Variants in DIAPH3 observed in about 807,000 individuals in gnomAD.
DIAPH3 encodes protein diaphanous homolog 3.
In DIAPH3, 117 loss-of-function variants were observed where a neutral mutation model predicts 144.3. The ratio of observed to expected loss-of-function variants is 0.81; its 90% CI spans 0.70 to 0.95. DIAPH3 has a LOEUF of 0.95. DIAPH3 is among the 40% of genes least tolerant of loss of function. The probability of loss-of-function intolerance (pLI) is 0.00; values close to 1 mark genes in which losing one functional copy is unlikely to be tolerated. For synonymous variants in DIAPH3, 519 were observed against 488.9 expected, an observed-to-expected ratio of 1.06 and a Z score of -0.81; for missense variants, 1,421 against 1,412.7, an observed-to-expected ratio of 1.01 and a Z score of -0.09.
chr13:59,972,730 C>T (rs2050458811), intron 15 of DIAPH3, among the ~76,000 whole-genome samples: 2 of 152,152 alleles, frequency 1.3e-5, no homozygotes, highest in South Asian at 4.1e-4. Context: ...TGAATTTCTG[C>T]TCTAGAATAG....
chr13:59,751,549 T>C (rs1387689307), intron 27 of DIAPH3, among the ~76,000 whole-genome samples: 1 of 152,250 alleles, frequency 6.6e-6, no homozygotes, highest in African/African-American at 2.4e-5. Context: ...AATCAACTGC[T>C]ATGACATAAA....
At chr13:60,111,531 C>A (rs899365359) in intron 3 of DIAPH3, among the ~76,000 whole-genome samples, 3 of 152,170 alleles carry the variant, frequency 2.0e-5, no homozygotes, top group African/African-American at 7.2e-5. Flanking sequence ...CGCCTCTTGT[C>A]AGATCAGCAG....
At chr13:59,854,110 C>T (rs1057382915) in intron 22 of DIAPH3, among the ~76,000 whole-genome samples, 3 of 152,054 alleles carry the variant, frequency 2.0e-5, no homozygotes, top group Admixed American at 1.3e-4. Context: ...GTGAGGACCC[C>T]GAGAGACATG....
At chr13:60,141,649 C>A (rs988926169) in intron 1 of DIAPH3, among the ~76,000 whole-genome samples, 1 of 152,170 alleles carries the variant, frequency 6.6e-6, no homozygotes, top group African/African-American at 2.4e-5. Context: ...TTCATTCATG[C>A]AACAACTGTT....
At chr13:60,125,211 G>A (rs2138176551) in intron 2 of DIAPH3, among the ~76,000 whole-genome samples, 1 of 151,946 alleles carries the variant, frequency 6.6e-6, no homozygotes, top group Non-Finnish European at 1.5e-5. Flanking sequence ...CCCTAGTTAT[G>A]TTGTTTTGTT....
intron 9 of DIAPH3, among the ~76,000 whole-genome samples, chr13:59,996,651 C>A (rs1027235654): frequency 6.6e-6 from 1 of 151,818 alleles, no homozygotes; most frequent in African/African-American, 2.4e-5. Context: ...GTCAGCAATA[C>A]CATAAAGTAG....
intron 24 of DIAPH3, among the ~76,000 whole-genome samples, chr13:59,812,147 G>A (rs1232843281): frequency 3.3e-5 from 5 of 152,072 alleles, no homozygotes. Context: ...GTTAGTACAA[G>A]TTCTTCATTA....
intron 18 of DIAPH3, among the ~76,000 whole-genome samples, chr13:59,923,830 A>C (rs539648765): frequency 6.6e-6 from 1 of 152,344 alleles, no homozygotes; most frequent in African/African-American, 2.4e-5. Context: ...GGTTTAGATC[A>C]AAGTGATTAC....
chr13:59,919,883 T>C (rs2047425491), intron 18 of DIAPH3, among the ~76,000 whole-genome samples: 3 of 152,036 alleles, frequency 2.0e-5, no homozygotes, highest in African/African-American at 7.2e-5. Flanking sequence ...TATGGAAAGA[T>C]GTGAGTTGTG....
chr13:59,767,664 T>C (rs1361359084), intron 27 of DIAPH3, among the ~76,000 whole-genome samples: 1 of 152,090 alleles, frequency 6.6e-6, no homozygotes, highest in Admixed American at 6.6e-5. Flanking sequence ...TAGTCCACTA[T>C]GGAACACAAG....
At chr13:60,097,843 A>G (rs1448676788) in intron 3 of DIAPH3, among the ~76,000 whole-genome samples, 1 of 152,094 alleles carries the variant, frequency 6.6e-6, no homozygotes, top group Non-Finnish European at 1.5e-5. Context: ...GCATGAAAGC[A>G]TGAGGGGTAT....
intron 9 of DIAPH3, among the ~76,000 whole-genome samples, chr13:60,003,576 T>G (rs77662723): frequency 0.037 from 5,559 of 150,804 alleles, 134 homozygotes; most frequent in East Asian, 0.076. Context: ...GATATAGATA[T>G]ATATATATTT....
At position 59,833,153 on chromosome 13, in the gene DIAPH3, A is replaced by C. The variant is rs1233439533; in HGVS notation, c.2981T>G (p.Val994Gly). ...ATTCAGGTCAGTAAGAAAGTCTTCC[A>C]CAGACACCTTCTTCACATCAATGGC... ...YYAIDVKKVS[V>G]EDFLTDLNNF... Residue 994 changes from valine to glycine, a missense_variant, in exon 24 of 28, where the codon GTG becomes GGG. Coordinates refer to ENST00000400324, the MANE Select transcript of DIAPH3 (RefSeq NM_001042517.2). 6.2e-7 allele frequency: 1 copy of C among 1,610,954 alleles called. No individual in the cohort carries two copies. The highest frequency in any genetic ancestry group is 2.2e-5 in the East Asian group (1 of 44,732).
intron 1 of DIAPH3, among the ~76,000 whole-genome samples, chr13:60,138,880 ATCT>A (rs1393941957): frequency 1.3e-5 from 2 of 151,662 alleles, no homozygotes; most frequent in Non-Finnish European, 3.0e-5. Flanking sequence ...TCTCTTAATC[ATCT>A]TCTCTTAATC....
chr13:59,832,375 C>A (rs185893755), intron 24 of DIAPH3, among the ~76,000 whole-genome samples: 210 of 151,906 alleles, frequency 1.4e-3, no homozygotes, highest in African/African-American at 4.7e-3. Context: ...TTAAATTCAA[C>A]CTTCTTTTTC....
intron 5 of DIAPH3, among the ~76,000 whole-genome samples, chr13:60,037,344 A>G (rs933310832): frequency 3.9e-5 from 6 of 152,026 alleles, no homozygotes; most frequent in Non-Finnish European, 7.4e-5. Context: ...CAGTTATAAT[A>G]TGACTCAATA....
intron 27 of DIAPH3, among the ~76,000 whole-genome samples, chr13:59,758,757 C>T (rs1213739973): frequency 6.6e-6 from 1 of 150,496 alleles, no homozygotes; most frequent in Non-Finnish European, 1.5e-5. Flanking sequence ...GGGGGCTTCA[C>T]AGAGGCAAGA....
At chr13:59,942,808 C>A (rs1171732885) in intron 17 of DIAPH3, among the ~76,000 whole-genome samples, 1 of 152,036 alleles carries the variant, frequency 6.6e-6, no homozygotes. Context: ...TTGCATTTTA[C>A]TTGTTTCACA....
chr13:59,756,664 C>T (rs2037295310), intron 27 of DIAPH3, among the ~76,000 whole-genome samples: 1 of 152,118 alleles, frequency 6.6e-6, no homozygotes, highest in South Asian at 2.1e-4. Context: ...GTTAGTTTTA[C>T]AGATCCATTA....
Sources: allele counts gnomAD v4.1 joint callset (sites outside exome capture counted in the v4.1 genomes callset), GRCh38; gene constraint gnomAD v4.1.1; transcripts MANE v1.5; gene names NCBI Gene and HGNC (gene_info 2026-07-23, HGNC 2026-07-21).